The following PDE8B variants were observed in gnomAD, a reference collection of about 807,000 sequenced individuals.
PDE8B encodes high affinity cAMP-specific and IBMX-insensitive 3',5'-cyclic phosphodiesterase 8B.
PDE8B carries 26 observed loss-of-function variants against 101.3 expected under a neutral mutation model. The ratio of observed to expected loss-of-function variants is 0.26; its 90% CI spans 0.19 to 0.36. The LOEUF is 0.36. Among genes scored for constraint, PDE8B ranks in the 10% least tolerant of loss-of-function variants. PDE8B has a pLI of 1.00. For synonymous variants in PDE8B, 424 were observed against 429.3 expected (o/e 0.99, Z 0.15); for missense variants, 810 against 1,163.1 (o/e 0.70, Z 4.42).
At chr5:77,248,696 A>G (rs1757463489) in intron 1 of PDE8B, among the ~76,000 whole-genome samples, 1 of 152,210 alleles carries the variant, frequency 6.6e-6, no homozygotes, top group Non-Finnish European at 1.5e-5. Flanking sequence ...CTGGAAATTT[A>G]CACATCGTAT....
intron 1 of PDE8B, among the ~76,000 whole-genome samples, chr5:77,231,251 A>G (rs1189615239): frequency 1.3e-5 from 2 of 152,184 alleles, no homozygotes; most frequent in Non-Finnish European, 2.9e-5. Flanking sequence ...GACAGTGTGG[A>G]AATTGGAAAG....
At chr5:77,107,314 A>C in the PDE8B span, among the ~76,000 whole-genome samples, 2 of 152,064 alleles carry the variant, frequency 1.3e-5, no homozygotes, top group African/African-American at 4.8e-5. Flanking sequence ...TTTATTTTTC[A>C]AATGTCCATT....
At chr5:77,390,559 A>C (rs889134451) in intron 10 of PDE8B, among the ~76,000 whole-genome samples, 6 of 152,172 alleles carry the variant, frequency 3.9e-5, no homozygotes, top group Admixed American at 3.3e-4. Flanking sequence ...ACACCACACT[A>C]CAGAGAGACT....
intron 1 of PDE8B, 70 bp from the exon 2 acceptor site, chr5:77,311,924 G>A (rs1301317818): frequency 4.1e-6 from 5 of 1,214,428 alleles, no homozygotes; most frequent in Non-Finnish European, 6.1e-6. Context: ...GCAATGCGTT[G>A]CGTAAGGAAG....
intron 1 of PDE8B, among the ~76,000 whole-genome samples, chr5:77,288,828 G>C (rs1256605236): frequency 6.8e-6 from 1 of 147,830 alleles, no homozygotes; most frequent in African/African-American, 2.5e-5. Flanking sequence ...GTTAAATCTT[G>C]CTGCCCCCAT....
chr5:77,361,545 C>T lies in PDE8B; in HGVS notation c.1167+8139C>T, dbSNP rs189601878. On this transcript the variant is annotated intron_variant, in intron 10 of 21. Coordinates refer to ENST00000264917, the MANE Select transcript of PDE8B (RefSeq NM_003719.5). Reference sequence around the variant, plus strand: ...TTTTTTTTTTTTTGACATGGAGTCTCGCTCTATTGCCCAGGCTAGAGTGCA... The same window carrying T: ...TTTTTTTTTTTTTGACATGGAGTCTTGCTCTATTGCCCAGGCTAGAGTGCA... 5.2e-3 allele frequency among the ~76,000 whole-genome samples: 768 copies of T among 147,752 alleles called. 9 individuals are homozygous for T. Among genetic ancestry groups the T allele is most frequent in the Non-Finnish European group, 6.0e-3 (405 of 67,360 alleles).
chr5:77,308,944 C>T (rs1239890662), intron 1 of PDE8B, among the ~76,000 whole-genome samples: 3 of 151,940 alleles, frequency 2.0e-5, no homozygotes, highest in Non-Finnish European at 4.4e-5. Flanking sequence ...TTTAGGAGGC[C>T]GAGGCGGGCA....
chr5:77,209,614 CCTT>C (rs1747836054), upstream of PDE8B, among the ~76,000 whole-genome samples: 1 of 152,318 alleles, frequency 6.6e-6, no homozygotes, highest in South Asian at 2.1e-4. Context: ...CAGCAGCCAT[CCTT>C]CTAAAGGCAT....
At chr5:77,339,110 C>G (rs1312453807) in intron 6 of PDE8B, among the ~76,000 whole-genome samples, 2 of 152,162 alleles carry the variant, frequency 1.3e-5, no homozygotes, top group Non-Finnish European at 2.9e-5. Context: ...CTGCTGAAAT[C>G]TGTTTAGAGC....
intron 1 of PDE8B, chr5:77,290,913 C>G: frequency 1.2e-5 from 20 of 1,607,556 alleles, no homozygotes; most frequent in Non-Finnish European, 1.7e-5. Context: ...CAACAAGCTG[C>G]TTGGTGCAAT....
At chr5:77,148,762 TA>T in the PDE8B span, among the ~76,000 whole-genome samples, 1 of 152,234 alleles carries the variant, frequency 6.6e-6, no homozygotes, top group Non-Finnish European at 1.5e-5. Flanking sequence ...GTTTTTTCTT[TA>T]TTCTGTGCAA....
chr5:77,365,997 C>A (rs1458166589), intron 10 of PDE8B, among the ~76,000 whole-genome samples: 2 of 152,282 alleles, frequency 1.3e-5, no homozygotes, highest in Middle Eastern at 3.4e-3. Flanking sequence ...GGGACAAATA[C>A]AACAAAAATT....
At chr5:77,420,594 T>A (rs1452427083) in intron 19 of PDE8B, among the ~76,000 whole-genome samples, 1 of 152,072 alleles carries the variant, frequency 6.6e-6, no homozygotes, top group Non-Finnish European at 1.5e-5. Context: ...ACTTGCTCAG[T>A]AAGGAGATGA....
chr5:77,172,235 T>C, the PDE8B span, among the ~76,000 whole-genome samples: 1 of 152,212 alleles, frequency 6.6e-6, no homozygotes, highest in African/African-American at 2.4e-5. Context: ...TTGTTCATTG[T>C]TGACTCCTCA....
chr5:77,305,975 A>G (rs1771114155), intron 1 of PDE8B, among the ~76,000 whole-genome samples: 1 of 152,182 alleles, frequency 6.6e-6, no homozygotes, highest in Non-Finnish European at 1.5e-5. Flanking sequence ...CTAAAGGAGA[A>G]GTCATTGAAG....
At chr5:77,423,942 ATTT>A (rs372211983) in intron 20 of PDE8B, among the ~76,000 whole-genome samples, 1 of 146,384 alleles carries the variant, frequency 6.8e-6, no homozygotes, top group African/African-American at 2.5e-5. Flanking sequence ...CAGCCTGGAC[ATTT>A]TTTTTTTTAT....
chr5:77,296,854 A>G (rs1463777832), intron 1 of PDE8B, among the ~76,000 whole-genome samples: 1 of 151,834 alleles, frequency 6.6e-6, no homozygotes, highest in Non-Finnish European at 1.5e-5. Flanking sequence ...TCTTATGTGT[A>G]CTTCTCTGCC....
chr5:77,317,886 G>A (rs957266027), intron 2 of PDE8B, among the ~76,000 whole-genome samples: 13 of 151,516 alleles, frequency 8.6e-5, no homozygotes, highest in Admixed American at 1.3e-4. Context: ...GTGAAACCCC[G>A]TCTTTACTAA....
intron 4 of PDE8B, among the ~76,000 whole-genome samples, chr5:77,331,038 T>C (rs1777018451): frequency 6.6e-6 from 1 of 152,190 alleles, no homozygotes; most frequent in Non-Finnish European, 1.5e-5. Context: ...TACTTCCAGA[T>C]GGTTTGGGAA....
Sources: gnomAD v4.1 joint callset for allele counts (sites outside exome capture counted in the v4.1 genomes callset) on GRCh38, gnomAD v4.1.1 for gene constraint, MANE v1.5 for transcripts, NCBI Gene and HGNC (gene_info 2026-07-23, HGNC 2026-07-21) for gene names.